Variants in COP1 observed in about 807,000 individuals in gnomAD.
COP1 encodes the protein COP1 E3 ubiquitin ligase, also known as E3 ubiquitin-protein ligase COP1.
COP1 carries 24 observed loss-of-function variants against 101.3 expected under a neutral mutation model. The ratio of observed to expected loss-of-function variants is 0.24; its 90% CI spans 0.17 to 0.33. The LOEUF (loss-of-function observed/expected upper bound fraction) is 0.33. Among genes scored for constraint, COP1 ranks in the 10% least tolerant of loss-of-function variants. The pLI is 1.00. For synonymous variants in COP1, 347 were observed against 341.9 expected, an observed-to-expected ratio of 1.01 and a Z score of -0.17; for missense variants, 663 against 906.2, an observed-to-expected ratio of 0.73 and a Z score of 3.45.
chr1:176,100,610 T>TA (rs1683241394), intron 9 of COP1, among the ~76,000 whole-genome samples: 1 of 152,104 alleles, frequency 6.6e-6, no homozygotes, highest in South Asian at 2.1e-4. Context: ...ATATTATAGT[T>TA]CTGAGCAATT....
intron 11 of COP1, among the ~76,000 whole-genome samples, chr1:176,080,800 G>C (rs1572110090): frequency 6.6e-6 from 1 of 151,988 alleles, no homozygotes; most frequent in Admixed American, 6.6e-5. Context: ...AGCTTCACTG[G>C]CAAATTCTAC....
At chr1:175,952,985 TTTC>T (rs1251135783) in intron 18 of COP1, among the ~76,000 whole-genome samples, 1 of 152,206 alleles carries the variant, frequency 6.6e-6, no homozygotes, top group Non-Finnish European at 1.5e-5. Context: ...AGATATTTGA[TTTC>T]TTGTTTTTAA....
At position 176,053,009 on chromosome 1, in the gene COP1, A is replaced by G. The variant is rs139824255; in HGVS notation, c.1278-6685T>C. Among the ~76,000 whole-genome samples, 470 of 149,590 alleles carry G rather than the reference A, an allele frequency of 3.1e-3. 3 individuals carry two copies. Among genetic ancestry groups the G allele is most frequent in the South Asian group, 0.024 (111 of 4,706 alleles). On this transcript the variant is annotated intron_variant, in intron 11 of 19. Coordinates refer to ENST00000367669, the MANE Select transcript of COP1 (RefSeq NM_022457.7). ...CTTTCACTGTTAAACAATGCTGGGG[A>G]AAAAAAAAACCCCTTCTATATGTGT...
intron 2 of COP1, among the ~76,000 whole-genome samples, chr1:176,177,527 T>C (rs546075684): frequency 8.5e-5 from 13 of 152,190 alleles, no homozygotes; most frequent in African/African-American, 3.1e-4. Context: ...TGTTTCTGGG[T>C]CATATAATTA....
intron 15 of COP1, among the ~76,000 whole-genome samples, chr1:175,993,739 C>G (rs1435155567): frequency 6.6e-6 from 1 of 152,144 alleles, no homozygotes; most frequent in Non-Finnish European, 1.5e-5. Context: ...AAATATGCGA[C>G]TATGTGAAAA....
At chr1:175,989,582 T>C (rs1657924817) in intron 15 of COP1, 103 bp from the exon 16 acceptor site, 1 of 638,274 alleles carries the variant, frequency 1.6e-6, no homozygotes, top group Non-Finnish European at 2.9e-6. Context: ...TCACATATGA[T>C]GTCTAATCTC....
At chr1:176,188,667 A>G (rs1328106774) in intron 1 of COP1, among the ~76,000 whole-genome samples, 1 of 152,172 alleles carries the variant, frequency 6.6e-6, no homozygotes, top group African/African-American at 2.4e-5. Context: ...ATCTGCGATC[A>G]GTGATCTTTG....
At chr1:176,096,964 C>A (rs1682511107) in intron 9 of COP1, among the ~76,000 whole-genome samples, 1 of 152,044 alleles carries the variant, frequency 6.6e-6, no homozygotes, top group South Asian at 2.1e-4. Context: ...GGAATGAGTC[C>A]TTTTTGGTTT....
In COP1 at chr1:176,207,085, C is replaced by A; in HGVS notation, c.-107G>T. ...CTCAGTGCATCCTGAGGACGCCCGC[C>A]GAGCCGGAGGTGGGGCTGAGGAACA... On this transcript the variant is annotated 5_prime_UTR_variant, in exon 1 of 20. Transcript: ENST00000367669. 1 of 931,638 alleles carries A rather than the reference C, an allele frequency of 1.1e-6. No individual in the cohort carries two copies. Among genetic ancestry groups the A allele is most frequent in the Non-Finnish European group, 1.4e-6 (1 of 691,286 alleles). 57.7% of individuals were successfully genotyped at this position (931,638 alleles called of 1,614,324 possible). A position where few individuals can be genotyped will look rare whatever the true frequency, so the allele number is the denominator to read the frequency against.
chr1:176,129,496 C>T (rs1688572648), intron 8 of COP1, among the ~76,000 whole-genome samples: 1 of 151,734 alleles, frequency 6.6e-6, no homozygotes, highest in African/African-American at 2.4e-5. Context: ...TCAGTAAAAG[C>T]ATTTTAAAGA....
intron 15 of COP1, among the ~76,000 whole-genome samples, chr1:176,008,314 C>T (rs544870189): frequency 3.2e-4 from 48 of 152,318 alleles, no homozygotes; most frequent in Middle Eastern, 6.8e-3. Flanking sequence ...CTGCGTTGCT[C>T]ATGCTGGGAG....
At chr1:176,006,756 A>G (rs1208740722) in intron 15 of COP1, among the ~76,000 whole-genome samples, 1 of 152,052 alleles carries the variant, frequency 6.6e-6, no homozygotes, top group Non-Finnish European at 1.5e-5. Context: ...AGGTAACCCG[A>G]CCTTTCTCTC....
At chr1:176,175,885 A>C (rs1267648516) in intron 3 of COP1, 25 bp downstream of exon 3, 1 of 1,297,142 alleles carries the variant, frequency 7.7e-7, no homozygotes, top group Non-Finnish European at 1.1e-6. Context: ...ATATTTTTAA[A>C]ATAAAAATCA....
chr1:176,004,761 T>G (rs1220567709), intron 15 of COP1, among the ~76,000 whole-genome samples: 4 of 150,036 alleles, frequency 2.7e-5, no homozygotes, highest in Non-Finnish European at 4.5e-5. Flanking sequence ...TGCCAGTATT[T>G]TATTGAGGAT....
intron 12 of COP1, among the ~76,000 whole-genome samples, chr1:176,044,217 T>C (rs1671105883): frequency 6.6e-6 from 1 of 152,198 alleles, no homozygotes; most frequent in South Asian, 2.1e-4. Context: ...TGCCAAATCA[T>C]ATAAGCCAAA....
At chr1:176,036,771 G>A (rs1472770897) in intron 14 of COP1, among the ~76,000 whole-genome samples, 1 of 152,120 alleles carries the variant, frequency 6.6e-6, no homozygotes, top group Non-Finnish European at 1.5e-5. Flanking sequence ...TTAATTGTAG[G>A]CCAATGTAAA....
chr1:176,172,535 A>C (rs1383929335), intron 3 of COP1, among the ~76,000 whole-genome samples: 2 of 152,212 alleles, frequency 1.3e-5, no homozygotes, highest in Non-Finnish European at 2.9e-5. Flanking sequence ...GTAAGGTCTT[A>C]ACCTATCAAT....
At chr1:176,149,625 T>C (rs942829903) in intron 5 of COP1, among the ~76,000 whole-genome samples, 2 of 152,112 alleles carry the variant, frequency 1.3e-5, no homozygotes, top group African/African-American at 4.8e-5. Context: ...AAATTTAATA[T>C]AATCAAGTGG....
chr1:176,126,015 T>C (rs1254293465), intron 8 of COP1, among the ~76,000 whole-genome samples: 2 of 152,230 alleles, frequency 1.3e-5, no homozygotes, highest in East Asian at 3.8e-4. Flanking sequence ...CTTTTTCACA[T>C]CGTTCACTGC....
Sources: allele counts gnomAD v4.1 joint callset (sites outside exome capture counted in the v4.1 genomes callset), GRCh38; gene constraint gnomAD v4.1.1; transcripts MANE v1.5; gene names NCBI Gene and HGNC (gene_info 2026-07-23, HGNC 2026-07-21).